CCDC88A: variants seen among roughly 807,000 people sequenced by gnomAD.
The protein encoded by CCDC88A is girdin.
In CCDC88A, 54 loss-of-function variants were observed where a neutral mutation model predicts 234.3. That is an observed-to-expected ratio of 0.23 (90% confidence interval 0.19 to 0.29). The LOEUF is 0.29. CCDC88A is among the 10% of genes least tolerant of loss of function. The pLI is 1.00. For missense variants in CCDC88A, 1,832 were observed against 2,123.4 expected (o/e 0.86, Z 2.70); for synonymous variants, 753 against 737.8 (o/e 1.02, Z -0.33).
Position 55,332,165 on chromosome 2 carries a change from CT to C in CCDC88A, c.2855+400del, listed in dbSNP as rs1684993254. 1 of 153,894 alleles carries C rather than the reference CT, an allele frequency of 6.5e-6. No individual in the cohort carries two copies. The highest frequency in any genetic ancestry group is 1.4e-5 in the Non-Finnish European group (1 of 69,640). The allele number at this position is 153,894 out of a possible 1,614,324, so 9.5% of individuals were successfully genotyped here. On this transcript the variant is annotated intron_variant, in intron 16 of 32. Transcript: ENST00000436346. The surrounding 1 kb of genome is among the most constrained non-coding windows in gnomAD (Gnocchi z 4.5). ...TGGAGTTTCGCTCTTGTTGCCCAGG[CT>C]GGAGTGCAACGGCACGATCTCAGCT...
chr2:55,312,262 T>C (rs190647007), intron 23 of CCDC88A, among the ~76,000 whole-genome samples, 172 bp downstream of exon 23: 17 of 152,324 alleles, frequency 1.1e-4, no homozygotes, highest in Admixed American at 7.8e-4. Flanking sequence ...GCAAGATGCA[T>C]GTGTTTTCAT....
chr2:55,413,748 T>C (rs1350045571), intron 2 of CCDC88A, among the ~76,000 whole-genome samples: 1 of 152,068 alleles, frequency 6.6e-6, no homozygotes, highest in Non-Finnish European at 1.5e-5. Context: ...GGTGGATCGC[T>C]TGAGACCAGC....
intron 2 of CCDC88A, chr2:55,397,171 A>T (rs995221578): frequency 1.3e-5 from 2 of 151,986 alleles, no homozygotes; most frequent in Non-Finnish European, 2.9e-5. Flanking sequence ...GCTCAATGCA[A>T]CCGCTCGCTG....
At chr2:55,308,138 T>G (rs1048397687) in intron 25 of CCDC88A, 4 of 152,398 alleles carry the variant, frequency 2.6e-5, no homozygotes, top group African/African-American at 9.7e-5. Flanking sequence ...TTTCTCCATG[T>G]TGGTCATGCT....
rs1271300711 is a variant in CCDC88A, at chr2:55,334,949, T to A, written c.1872A>T (p.Gly624=). ...CATTTTCAAGTTCTTCAGCTCGTTCTCCTTTTTCTTTATAATGTTCCAATT... is the reference window on the plus strand; with the variant it reads ...CATTTTCAAGTTCTTCAGCTCGTTCACCTTTTTCTTTATAATGTTCCAATT... ...KKELEHYKEK[G]ERAEELENEL... Residue 624 remains glycine (G), a synonymous_variant, in exon 15 of 33, where the codon GGA becomes GGT. Transcript: ENST00000436346. This position sits in a 1 kb window ranked among gnomAD's most constrained non-coding sequence, Gnocchi z 6.1. 6.4e-7 allele frequency: 1 copy of A among 1,561,544 alleles called. No individual in the cohort carries two copies. Among genetic ancestry groups the A allele is most frequent in the Non-Finnish European group, 8.7e-7 (1 of 1,148,796 alleles).
chr2:55,296,029 A>G lies in CCDC88A; in HGVS notation c.5119T>C (p.Leu1707=). ...GACAAACTTTTCATTACTTCATCTA[A>G]AAGATTCTCTTGACTTGAGGACTTT... The part of the protein sequence containing the change: ...QIKSSSQENL[L]DEVMKSLSVS... Residue 1707 remains leucine (L), a synonymous_variant, in exon 31 of 33, where the codon TTA becomes CTA. Coordinates refer to ENST00000436346, the MANE Select transcript of CCDC88A (RefSeq NM_001365480.1). The G allele has an allele frequency of 6.2e-7, 1 of 1,606,228 alleles. No individual in the cohort carries two copies. Among genetic ancestry groups the G allele is most frequent in the Non-Finnish European group, 8.5e-7 (1 of 1,178,056 alleles).
chr2:55,366,544 C>T (rs927238529), intron 5 of CCDC88A, among the ~76,000 whole-genome samples: 4 of 81,542 alleles, frequency 4.9e-5, no homozygotes, highest in East Asian at 8.7e-4. Flanking sequence ...TACACACACA[C>T]ACACACACAC....
At chr2:55,402,767 TGGGAGGCCAA>T (rs1678924823) in intron 2 of CCDC88A, among the ~76,000 whole-genome samples, 1 of 149,436 alleles carries the variant, frequency 6.7e-6, no homozygotes, top group Non-Finnish European at 1.5e-5. Flanking sequence ...CCCAGCACTT[TGGGAGGCCAA>T]GGCAGGCGGA....
chr2:55,416,394 T>C (rs933334569), intron 2 of CCDC88A, among the ~76,000 whole-genome samples: 2 of 133,808 alleles, frequency 1.5e-5, no homozygotes, highest in African/African-American at 5.3e-5. Flanking sequence ...CTAATATATA[T>C]GTAACTGGAC....
Position 55,315,982 on chromosome 2 carries a change from C to T in CCDC88A, c.3879G>A (p.Lys1293=). The T allele has an allele frequency of 6.3e-7, 1 of 1,588,004 alleles. No homozygotes were observed. The highest frequency in any genetic ancestry group is 8.6e-7 in the Non-Finnish European group (1 of 1,168,698). Residue 1293 remains lysine, a synonymous_variant, in exon 22 of 33, where the codon AAG becomes AAA. Transcript: ENST00000436346. ...TRLEAEFSKL[K]EQYQQLDITS... ...TAATATCCAATTGTTGGTATTGTTC[C>T]TTTAGTTTTGAAAATTCAGCTTCTA...
chr2:55,325,836 C>A (rs1684194516), intron 17 of CCDC88A, among the ~76,000 whole-genome samples: 1 of 152,142 alleles, frequency 6.6e-6, no homozygotes. Context: ...ACCTTGTTAT[C>A]TTTGTGCTGG....
At chr2:55,360,830 G>A (rs1671198431) in intron 7 of CCDC88A, among the ~76,000 whole-genome samples, 2 of 152,182 alleles carry the variant, frequency 1.3e-5, no homozygotes, top group South Asian at 4.1e-4. Context: ...GCTCACACCT[G>A]TATTCCCAGC....
chr2:55,300,910 G>C (rs1680822882), intron 28 of CCDC88A: 1 of 255,612 alleles, frequency 3.9e-6, no homozygotes, highest in Non-Finnish European at 7.3e-6. Context: ...ATGGTAAAAT[G>C]CAACTCTTAT....
At chr2:55,311,885 T>C (rs1323351530) in intron 23 of CCDC88A, among the ~76,000 whole-genome samples, 1 of 152,186 alleles carries the variant, frequency 6.6e-6, no homozygotes, top group African/African-American at 2.4e-5. Flanking sequence ...GAACAACCTT[T>C]GTAAACTGGG....
chr2:55,382,810 ATT>A (rs1253913438), intron 3 of CCDC88A, among the ~76,000 whole-genome samples: 1 of 152,192 alleles, frequency 6.6e-6, no homozygotes, highest in African/African-American at 2.4e-5. Context: ...GTTACCACTT[ATT>A]TCTCTCATGA....
chr2:55,385,852 C>CA lies in CCDC88A; in HGVS notation c.273+2925dup, dbSNP rs56233901. ...TAGGTAACAGAGTGAAACTCCATGT[C>CA]AAAAAAAAAAAAAAAAAAAAAAAAA... On this transcript the variant is annotated intron_variant, in intron 3 of 32. Coordinates refer to ENST00000436346, the MANE Select transcript of CCDC88A (RefSeq NM_001365480.1). 6.9e-3 allele frequency among the ~76,000 whole-genome samples: 432 copies of CA among 62,450 alleles called. 25 individuals carry two copies. Among genetic ancestry groups the CA allele is most frequent in the African/African-American group, 0.023 (354 of 15,082 alleles). 41.0% of individuals were successfully genotyped at this position (62,450 alleles called of 152,430 possible).
rs1368569616 is a variant in CCDC88A at position 55,320,640 on chromosome 2, T to C, written c.3163-1636A>G. Reference sequence around the variant, plus strand: ...AGGTATATATATCACTGATTAAAAATAGGCATTTATAAATGGCCAATAAAT... The same window carrying C: ...AGGTATATATATCACTGATTAAAAACAGGCATTTATAAATGGCCAATAAAT... On this transcript the variant is annotated intron_variant, in intron 18 of 32. Transcript: ENST00000436346. Among the ~76,000 whole-genome samples, 5 of 152,192 alleles carry C rather than the reference T, an allele frequency of 3.3e-5. No homozygotes were observed. The South Asian group carries it at 1.0e-3, about 32-fold the overall frequency.
chr2:55,336,864 C>A, intron 13 of CCDC88A, 46 bp from the exon 14 acceptor site: 2 of 1,232,634 alleles, frequency 1.6e-6, no homozygotes, highest in Non-Finnish European at 1.1e-6. Flanking sequence ...TATTCTGTAA[C>A]AGTGAAAACA....
intron 29 of CCDC88A, among the ~76,000 whole-genome samples, chr2:55,297,896 TTAAA>T (rs1308598936): frequency 2.0e-5 from 3 of 152,186 alleles, no homozygotes; most frequent in East Asian, 1.9e-4. Context: ...ATAAGGAAAG[TTAAA>T]TAAAGATATG....
Sources: gnomAD v4.1 joint callset for allele counts (sites outside exome capture counted in the v4.1 genomes callset) on GRCh38, gnomAD v4.1.1 for gene constraint, Gnocchi (gnomAD v3.1) non-coding constraint, MANE v1.5 for transcripts, NCBI Gene and HGNC (gene_info 2026-07-23, HGNC 2026-07-21) for gene names.